Variants in OSBPL8 observed in about 807,000 individuals in gnomAD.
OSBPL8 encodes oxysterol-binding protein-related protein 8.
Under a neutral mutation model 125.5 loss-of-function variants are expected in OSBPL8, and 59 were observed. The observed-to-expected ratio is 0.47, with a 90% CI of 0.38 to 0.58. OSBPL8 has a LOEUF of 0.58. OSBPL8 is among the 20% of genes least tolerant of loss of function. The pLI is 0.00. For synonymous variants in OSBPL8, 330 were observed against 338.9 expected (o/e 0.97, Z 0.29); for missense variants, 758 against 1,047.8 (o/e 0.72, Z 3.82).
At chr12:76,410,498 T>C (rs1954469349) in intron 5 of OSBPL8, 66 bp downstream of exon 5, 1 of 1,164,450 alleles carries the variant, frequency 8.6e-7, no homozygotes, top group Non-Finnish European at 1.3e-6. Flanking sequence ...AGGATTTCAG[T>C]GTTAGTTCCC....
intron 1 of OSBPL8, among the ~76,000 whole-genome samples, chr12:76,498,162 T>C (rs944864229): frequency 6.6e-6 from 1 of 152,222 alleles, no homozygotes; most frequent in Admixed American, 6.5e-5. Flanking sequence ...CCTAGCACTT[T>C]GGGAGGCCCA....
chr12:76,555,558 G>A (rs766269494), intron 1 of OSBPL8, among the ~76,000 whole-genome samples: 12 of 152,180 alleles, frequency 7.9e-5, no homozygotes, highest in Non-Finnish European at 1.5e-4. Flanking sequence ...TGTATTTGCT[G>A]AAGTCCTCCT....
chr12:76,386,018 T>A, intron 14 of OSBPL8, 150 bp downstream of exon 14: 3 of 1,061,470 alleles, frequency 2.8e-6, no homozygotes, highest in Non-Finnish European at 3.9e-6. Flanking sequence ...AGTACTTTAG[T>A]AGTATTTAAT....
At chr12:76,447,578 T>C (rs1367485266) in intron 4 of OSBPL8, among the ~76,000 whole-genome samples, 1 of 152,124 alleles carries the variant, frequency 6.6e-6, no homozygotes, top group Non-Finnish European at 1.5e-5. Context: ...AGTTTCACTC[T>C]TATTGCCCAG....
chr12:76,529,877 A>T (rs1212225243), intron 1 of OSBPL8, among the ~76,000 whole-genome samples: 1 of 152,246 alleles, frequency 6.6e-6, no homozygotes, highest in Non-Finnish European at 1.5e-5. Context: ...TTATTACATA[A>T]TGTAGTCATC....
At chr12:76,538,335 A>G (rs1950553858) in intron 1 of OSBPL8, among the ~76,000 whole-genome samples, 1 of 152,222 alleles carries the variant, frequency 6.6e-6, no homozygotes, top group Non-Finnish European at 1.5e-5. Context: ...TATATTCACT[A>G]AAAGTATATA....
At chr12:76,360,280 CAAATTTTAAAGCTCCA>C (rs748589313) in intron 21 of OSBPL8, among the ~76,000 whole-genome samples, 9 of 152,190 alleles carry the variant, frequency 5.9e-5, no homozygotes, top group East Asian at 3.9e-4. Context: ...GTGGGGCAGT[CAAATTTTAAAGCTCCA>C]AAATTTTAAA....
intron 2 of OSBPL8, among the ~76,000 whole-genome samples, chr12:76,477,603 G>C (rs1876965562): frequency 6.6e-6 from 1 of 151,998 alleles, no homozygotes. Context: ...GGAAACACGA[G>C]AACTAAATGT....
At chr12:76,402,800 C>T (rs775899473) in intron 5 of OSBPL8, 34 bp from the exon 6 acceptor site, 1 of 1,390,542 alleles carries the variant, frequency 7.2e-7, no homozygotes, top group Middle Eastern at 1.8e-4. Flanking sequence ...AAATTAAATC[C>T]TTCAGATTTT....
chr12:76,369,718 C>T lies in OSBPL8; in HGVS notation c.2159G>A (p.Arg720Gln), dbSNP rs773160588. The T allele has an allele frequency of 1.8e-5, 29 of 1,613,280 alleles. No individual in the cohort carries two copies. The highest frequency in any genetic ancestry group is 1.6e-4 in the Middle Eastern group (1 of 6,080). Residue 720 changes from arginine to glutamine, a missense_variant, in exon 20 of 24, where the codon CGG becomes CAG. Transcript: ENST00000261183. ...EEAQRQAARD[R>Q]KTKNEEWSCK... The stretch of plus-strand genomic sequence containing the variant: ...AGACCACTCTTCATTTTTTGTTTTC[C>T]GATCCCTGGCAGCTTGTCTTTGAGC...
At chr12:76,456,023 G>A (rs1475625612) in intron 3 of OSBPL8, among the ~76,000 whole-genome samples, 3 of 152,150 alleles carry the variant, frequency 2.0e-5, no homozygotes, top group Admixed American at 2.0e-4. Context: ...CACTGAAATA[G>A]TTAATATAAT....
At chr12:76,499,367 A>ATCTC (rs75741131) in intron 1 of OSBPL8, among the ~76,000 whole-genome samples, 26 of 62,294 alleles carry the variant, frequency 4.2e-4, no homozygotes, top group African/African-American at 1.5e-3. Context: ...CTATCTATCT[A>ATCTC]ATCTATCTAA....
intron 4 of OSBPL8, among the ~76,000 whole-genome samples, chr12:76,438,134 G>A (rs1293362002): frequency 1.3e-5 from 2 of 150,680 alleles, no homozygotes; most frequent in Admixed American, 1.3e-4. Flanking sequence ...CTACAGGCAC[G>A]CACCACCACG....
At chr12:76,461,372 C>T in intron 2 of OSBPL8, among the ~76,000 whole-genome samples, 1 of 152,156 alleles carries the variant, frequency 6.6e-6, no homozygotes, top group East Asian at 1.9e-4. Flanking sequence ...GGTGAAAGAA[C>T]TACGGTGTTA....
chr12:76,503,646 C>T (rs1880124421), intron 1 of OSBPL8, among the ~76,000 whole-genome samples: 1 of 152,182 alleles, frequency 6.6e-6, no homozygotes, highest in Non-Finnish European at 1.5e-5. Flanking sequence ...TCACGCCATC[C>T]TCCTGCCTCA....
chr12:76,386,214 C>T lies in OSBPL8; in HGVS notation c.1487G>A (p.Trp496Ter), dbSNP rs749442933. Residue 496 changes from tryptophan (W) to a stop codon, truncating the protein, a stop_gained, in exon 14 of 24, where the codon TGG becomes TAG. Coordinates refer to ENST00000261183, the MANE Select transcript of OSBPL8 (RefSeq NM_020841.5). LOFTEE classifies it high-confidence loss of function. Reference protein sequence around the residue: ...PILGETFRCLWIHPRTNSKTF... With the variant: ...PILGETFRCL ...TTTGCTGTTTGTTCTGGGATGAATC[C>T]ATAAACAACGGAAAGTCTCGCCAAG... is the stretch of plus-strand genomic sequence containing the variant. The T allele has an allele frequency of 6.2e-7, 1 of 1,608,774 alleles. No individual in the cohort carries two copies. The highest frequency in any genetic ancestry group is 1.7e-5 in the Admixed American group (1 of 59,552).
At chr12:76,368,992 C>T (rs1204979688) in intron 21 of OSBPL8, among the ~76,000 whole-genome samples, 1 of 152,146 alleles carries the variant, frequency 6.6e-6, no homozygotes, top group Non-Finnish European at 1.5e-5. Flanking sequence ...CCAGTGTTCA[C>T]TTGGTTGCTG....
intron 5 of OSBPL8, among the ~76,000 whole-genome samples, chr12:76,409,093 AT>A (rs1324228787): frequency 6.6e-6 from 1 of 152,146 alleles, no homozygotes; most frequent in Non-Finnish European, 1.5e-5. Flanking sequence ...ATCATGTAAA[AT>A]GATTGACAGG....
intron 1 of OSBPL8, among the ~76,000 whole-genome samples, chr12:76,522,914 C>T (rs1950062516): frequency 6.6e-6 from 1 of 152,176 alleles, no homozygotes; most frequent in South Asian, 2.1e-4. Flanking sequence ...ATGGTGTGAT[C>T]TCAGCTCACT....
Sources: gnomAD v4.1 joint callset for allele counts (sites outside exome capture counted in the v4.1 genomes callset) on GRCh38, gnomAD v4.1.1 for gene constraint, MANE v1.5 for transcripts, NCBI Gene and HGNC (gene_info 2026-07-23, HGNC 2026-07-21) for gene names.